Variants in INCENP observed in about 807,000 individuals in gnomAD.
INCENP encodes the protein binds and activates aurora-B and -C in vivo and in vitro.
Under a neutral mutation model 107.3 loss-of-function variants are expected in INCENP, and 43 were observed. The ratio of observed to expected loss-of-function variants is 0.40; its 90% confidence interval spans 0.31 to 0.52. The LOEUF (loss-of-function observed/expected upper bound fraction) is 0.52. INCENP is among the 20% of genes least tolerant of loss of function. The pLI, the probability that INCENP is intolerant of heterozygous loss-of-function variation, is 0.53. For missense variants in INCENP, 1,089 were observed against 1,250.9 expected (o/e 0.87, Z 1.95); for synonymous variants, 488 against 494.4 (o/e 0.99, Z 0.17).
In INCENP at chr11:62,148,729, T is replaced by G. The variant is rs1429486508; in HGVS notation, c.2284-10T>G. 6.4e-7 allele frequency: 1 copy of G among 1,572,458 alleles called. No individual in the cohort carries two copies. Among genetic ancestry groups the G allele is most frequent in the African/African-American group, 1.4e-5 (1 of 73,628 alleles). On this transcript the variant is annotated splice_polypyrimidine_tract_variant and intron_variant, in intron 16 of 18. Transcript: ENST00000394818. ...AGCTCCCTAACACCCCATTGCCACC[T>G]GGGTTCCAGGAAGAGCAGCAGCGTC...
chr11:62,135,864 C>T (rs998026488), intron 4 of INCENP, among the ~76,000 whole-genome samples: 2 of 151,994 alleles, frequency 1.3e-5, no homozygotes, highest in Non-Finnish European at 2.9e-5. Flanking sequence ...GGCTGGAGTG[C>T]AGTGGCACAA....
At chr11:62,136,011 G>A (rs918394268) in intron 4 of INCENP, among the ~76,000 whole-genome samples, 30 of 151,740 alleles carry the variant, frequency 2.0e-4, no homozygotes, top group African/African-American at 6.3e-4. Context: ...GGGTTTCACC[G>A]TGGTCTCGAT....
Position 62,140,747 on chromosome 11 carries a change from G to T in INCENP, c.1387G>T (p.Glu463Ter). The T allele has an allele frequency of 1.9e-6, 3 of 1,604,908 alleles. No homozygotes were observed. Among genetic ancestry groups the T allele is most frequent in the Non-Finnish European group, 2.5e-6 (3 of 1,176,558 alleles). ...YKQAVSELDE[E>*]QHLEDEELQP... ...GCAGGCCGTGAGTGAGCTGGACGAGGAGCAGCACCTGGAGGATGAGGAGCT... is the reference window on the plus strand; with the variant it reads ...GCAGGCCGTGAGTGAGCTGGACGAGTAGCAGCACCTGGAGGATGAGGAGCT... The change falls in exon 9 of 19, where the codon GAG becomes TAG. Residue 463 changes from glutamate to a stop codon, truncating the protein, a stop_gained. Coordinates refer to ENST00000394818, the MANE Select transcript of INCENP (RefSeq NM_001040694.2). LOFTEE classifies it high-confidence loss of function.
chr11:62,137,287 A>G (rs1944012740), intron 4 of INCENP, among the ~76,000 whole-genome samples: 1 of 152,158 alleles, frequency 6.6e-6, no homozygotes, highest in Non-Finnish European at 1.5e-5. Flanking sequence ...TGGGCAACAG[A>G]GCAAGACTCC....
At chr11:62,143,623 C>T (rs1012280306) in intron 11 of INCENP, among the ~76,000 whole-genome samples, 7 of 152,104 alleles carry the variant, frequency 4.6e-5, no homozygotes, top group East Asian at 1.9e-4. Context: ...TACCCGTTCC[C>T]GGGACCCCTT....
rs181654103 is a variant in INCENP, at chr11:62,141,641, A to G, written c.1605+130A>G. ...TAAGCGGGAGGGGAGCCTTAGGAAG[A>G]GAGTGGGACGGTGAGGGGTGCACTG... On this transcript the variant is annotated intron_variant, in intron 11 of 18. Transcript: ENST00000394818. 2.5e-4 allele frequency: 316 copies of G among 1,276,344 alleles called. 1 individual carries two copies. Among genetic ancestry groups the G allele is most frequent in the African/African-American group, 2.4e-3 (166 of 68,442 alleles). The allele number at this position is 1,276,344 out of a possible 1,614,324, so 79.1% of individuals were successfully genotyped here. A position where few individuals can be genotyped will look rare whatever the true frequency, so the allele number is the denominator to read the frequency against.
At chr11:62,134,457 G>C (rs925220497) in intron 4 of INCENP, among the ~76,000 whole-genome samples, 1 of 149,502 alleles carries the variant, frequency 6.7e-6, no homozygotes. Flanking sequence ...GATCGTTACT[G>C]TATTAAAAAT....
Position 62,152,585 on chromosome 11 carries a change from T to C in INCENP, c.*609T>C, listed in dbSNP as rs999666042. On this transcript the variant is annotated 3_prime_UTR_variant, in exon 19 of 19. Coordinates refer to ENST00000394818, the MANE Select transcript of INCENP (RefSeq NM_001040694.2). ...CCTTCCTATTTTTTGGGGTGCTCCC[T>C]GTTTGTAAAGGGGAGTTTGTTCATT... 3 of 152,976 alleles carry C rather than the reference T, an allele frequency of 2.0e-5. No homozygotes were observed. The highest frequency in any genetic ancestry group is 4.8e-5 in the African/African-American group (2 of 41,454). The allele number at this position is 152,976 out of a possible 1,614,324, so 9.5% of individuals were successfully genotyped here. A position where few individuals can be genotyped will look rare whatever the true frequency, so the allele number is the denominator to read the frequency against.
chr11:62,129,312 C>T (rs1463707722), intron 3 of INCENP, among the ~76,000 whole-genome samples: 1 of 151,938 alleles, frequency 6.6e-6, no homozygotes, highest in South Asian at 2.1e-4. Flanking sequence ...GAGGCTGGGT[C>T]TTGGGGTTAG....
intron 14 of INCENP, 50 bp downstream of exon 14, chr11:62,145,801 T>A (rs2134670461): frequency 6.5e-7 from 1 of 1,530,318 alleles, no homozygotes. Flanking sequence ...GTGGGCGCTG[T>A]CTCAGCACCA....
chr11:62,140,854 T>C (rs749173761), intron 9 of INCENP, 33 bp downstream of exon 9: 29 of 1,613,624 alleles, frequency 1.8e-5, no homozygotes, highest in Admixed American at 6.7e-5. Flanking sequence ...CCTGGAGCCC[T>C]GACCCCCTTC....
intron 4 of INCENP, 92 bp from the exon 5 acceptor site, chr11:62,137,740 G>A: frequency 7.2e-6 from 8 of 1,109,744 alleles, no homozygotes; most frequent in Non-Finnish European, 1.1e-5. Context: ...GCAGTGGCCA[G>A]GCCCTTGCTG....
At chr11:62,124,569 A>G (rs1943709722) in intron 1 of INCENP, among the ~76,000 whole-genome samples, 1 of 152,164 alleles carries the variant, frequency 6.6e-6, no homozygotes, top group Non-Finnish European at 1.5e-5. Flanking sequence ...GCAGCATTTT[A>G]AACTGACCAT....
chr11:62,144,724 A>T, intron 11 of INCENP: 1 of 740,862 alleles, frequency 1.3e-6, no homozygotes, highest in South Asian at 1.4e-5. Context: ...TGTTGCCCAA[A>T]ACTTGGCAGG....
rs116402507 is a variant in INCENP, at chr11:62,137,854, C to T, written c.1086C>T (p.Leu362=). 5 of 1,614,126 alleles carry T rather than the reference C, an allele frequency of 3.1e-6. No homozygotes were observed. The African/African-American group carries it at 6.7e-5, about 22-fold the overall frequency. Residue 362 remains leucine (L), a synonymous_variant, in exon 5 of 19, where the codon CTC becomes CTT. Coordinates refer to ENST00000394818, the MANE Select transcript of INCENP (RefSeq NM_001040694.2). ...RIICHSYLER[L]LNVEVPQKVG... is the part of the protein sequence containing the mutation. ...CAGGTCACAGTTACCTGGAGAGGCT[C>T]CTGAATGTTGAGGTGCCCCAGAAAG... is the stretch of plus-strand genomic sequence containing the variant.
At chr11:62,140,633 G>T in intron 8 of INCENP, 71 bp from the exon 9 acceptor site, 4 of 1,314,594 alleles carry the variant, frequency 3.0e-6, no homozygotes, top group Non-Finnish European at 4.3e-6. Flanking sequence ...TGTTCACCGG[G>T]GTGACTTTTG....
intron 11 of INCENP, 86 bp downstream of exon 11, chr11:62,141,597 T>A: frequency 6.7e-7 from 1 of 1,500,352 alleles, no homozygotes. Flanking sequence ...TGACAGCACC[T>A]GTAGATGCAC....
intron 11 of INCENP, 127 bp from the exon 12 acceptor site, chr11:62,144,855 C>A: frequency 1.2e-6 from 1 of 864,110 alleles, no homozygotes; most frequent in Non-Finnish European, 2.0e-6. Context: ...GATACCTCTG[C>A]CTAAGAAGCA....
At chr11:62,151,073 C>G (rs1261621229) in intron 18 of INCENP, among the ~76,000 whole-genome samples, 1 of 152,192 alleles carries the variant, frequency 6.6e-6, no homozygotes. Flanking sequence ...GCAAAGCCAT[C>G]TAATCGGAGG....
Sources: allele counts gnomAD v4.1 joint callset (sites outside exome capture counted in the v4.1 genomes callset), GRCh38; gene constraint gnomAD v4.1.1; transcripts MANE v1.5; gene names NCBI Gene and HGNC (gene_info 2026-07-23, HGNC 2026-07-21).